Variants in KCNIP4 observed in about 807,000 individuals in gnomAD.
KCNIP4 encodes the protein Kv channel-interacting protein 4.
A neutral mutation model predicts 34.0 loss-of-function variants in KCNIP4; 12 were observed. The ratio of observed to expected loss-of-function variants is 0.35; its 90% confidence interval spans 0.23 to 0.57. KCNIP4 has a LOEUF of 0.57. KCNIP4 is among the 20% of genes least tolerant of loss of function. KCNIP4 has a pLI of 0.83. For synonymous variants in KCNIP4, 124 were observed against 102.2 expected, an observed-to-expected ratio of 1.21 and a Z score of -1.29; for missense variants, 238 against 311.7, an observed-to-expected ratio of 0.76 and a Z score of 1.78.
chr4:21,682,216 C>G (rs1326112516), intron 1 of KCNIP4, among the ~76,000 whole-genome samples: 3 of 152,040 alleles, frequency 2.0e-5, no homozygotes, highest in Non-Finnish European at 4.4e-5. Context: ...TTCAAATGAC[C>G]AGCTATTGCA....
chr4:21,066,508 C>A (rs1384863792), intron 1 of KCNIP4, among the ~76,000 whole-genome samples: 2 of 151,796 alleles, frequency 1.3e-5, no homozygotes, highest in Non-Finnish European at 2.9e-5. Flanking sequence ...TACCATCCCT[C>A]CCCCCATCCC....
intron 1 of KCNIP4, among the ~76,000 whole-genome samples, chr4:21,102,929 A>G (rs1748074941): frequency 6.6e-6 from 1 of 152,190 alleles, no homozygotes; most frequent in African/African-American, 2.4e-5. Context: ...CAGAGTCTGA[A>G]AAATGTGAGT....
At chr4:20,948,120 A>C (rs1732387603) in intron 1 of KCNIP4, among the ~76,000 whole-genome samples, 1 of 152,204 alleles carries the variant, frequency 6.6e-6, no homozygotes, top group South Asian at 2.1e-4. Context: ...GCAACACCAG[A>C]ATTCCAGAAG....
intron 1 of KCNIP4, among the ~76,000 whole-genome samples, chr4:21,372,851 G>A (rs566063185): frequency 2.1e-5 from 3 of 145,762 alleles, no homozygotes; most frequent in Non-Finnish European, 4.4e-5. Context: ...TCAAAATAGT[G>A]AGGAGTGAAT....
intron 1 of KCNIP4, among the ~76,000 whole-genome samples, chr4:21,347,544 C>T (rs1296604524): frequency 6.6e-6 from 1 of 152,140 alleles, no homozygotes; most frequent in Non-Finnish European, 1.5e-5. Context: ...TAGGGAGGAA[C>T]AGGAAATCAA....
chr4:21,158,383 C>T (rs1753312433), intron 1 of KCNIP4, among the ~76,000 whole-genome samples: 1 of 152,030 alleles, frequency 6.6e-6, no homozygotes. Flanking sequence ...CTCTGATGAC[C>T]ATTGGTGCAA....
At chr4:21,598,601 A>G (rs1742843074) in intron 1 of KCNIP4, among the ~76,000 whole-genome samples, 1 of 152,086 alleles carries the variant, frequency 6.6e-6, no homozygotes, top group African/African-American at 2.4e-5. Flanking sequence ...CAACTCATTA[A>G]TCCCTCACAG....
At chr4:21,308,711 AGTGT>A (rs10525935) in intron 1 of KCNIP4, among the ~76,000 whole-genome samples, 15,864 of 149,898 alleles carry the variant, frequency 0.11, 906 homozygotes, top group African/African-American at 0.15. Flanking sequence ...CTGCCGTGTG[AGTGT>A]GTGTGTGTGT....
chr4:20,992,784 T>C (rs1737196141), intron 1 of KCNIP4, among the ~76,000 whole-genome samples: 1 of 151,806 alleles, frequency 6.6e-6, no homozygotes, highest in South Asian at 2.1e-4. Context: ...TCCCAGCAAT[T>C]TGGGGGGCCA....
chr4:21,553,806 ACCTTT>A (rs1306852202), intron 1 of KCNIP4, among the ~76,000 whole-genome samples: 3 of 152,086 alleles, frequency 2.0e-5, no homozygotes, highest in Non-Finnish European at 4.4e-5. Flanking sequence ...TCTGTTCTCC[ACCTTT>A]CCCTTCTTTA....
chr4:21,260,204 T>G (rs1761380625), intron 1 of KCNIP4, among the ~76,000 whole-genome samples: 1 of 152,172 alleles, frequency 6.6e-6, no homozygotes, highest in East Asian at 1.9e-4. Context: ...TATGCCTTAC[T>G]GTGCTTTCAT....
chr4:21,910,207 C>A (rs1204665638), intron 1 of KCNIP4, among the ~76,000 whole-genome samples: 6 of 152,074 alleles, frequency 3.9e-5, no homozygotes, highest in Non-Finnish European at 7.4e-5. Flanking sequence ...CAGGTAATAT[C>A]CAATCTTCTC....
At chr4:21,335,626 T>A (rs919213616) in intron 1 of KCNIP4, among the ~76,000 whole-genome samples, 2 of 152,130 alleles carry the variant, frequency 1.3e-5, no homozygotes, top group African/African-American at 4.8e-5. Context: ...AGAAAATAGG[T>A]GGATTGTTTT....
At chr4:21,898,837 C>T (rs528548589) in intron 1 of KCNIP4, among the ~76,000 whole-genome samples, 2 of 152,134 alleles carry the variant, frequency 1.3e-5, no homozygotes, top group Non-Finnish European at 1.5e-5. Flanking sequence ...GCAACAAGTA[C>T]ACTCATGTGG....
At chr4:21,734,480 C>T (rs1023866887) in intron 1 of KCNIP4, among the ~76,000 whole-genome samples, 6 of 152,036 alleles carry the variant, frequency 3.9e-5, no homozygotes, top group Non-Finnish European at 7.4e-5. Flanking sequence ...CAGGAAACTT[C>T]AGAAAATAAT....
At chr4:21,637,257 G>A (rs994262473) in intron 1 of KCNIP4, among the ~76,000 whole-genome samples, 3 of 152,052 alleles carry the variant, frequency 2.0e-5, no homozygotes, top group East Asian at 1.9e-4. Flanking sequence ...TTTTAAAGAC[G>A]AGGAACCAAG....
chr4:21,783,865 G>A (rs1046763943), intron 1 of KCNIP4, among the ~76,000 whole-genome samples: 6 of 147,794 alleles, frequency 4.1e-5, no homozygotes, highest in African/African-American at 1.6e-4. Flanking sequence ...CAACGGATAA[G>A]GTACAAAACT....
chr4:21,636,428 G>C (rs1045227713), intron 1 of KCNIP4, among the ~76,000 whole-genome samples: 4 of 151,990 alleles, frequency 2.6e-5, no homozygotes, highest in Non-Finnish European at 5.9e-5. Flanking sequence ...TGAAAGAAAT[G>C]ACTTATGCAT....
intron 1 of KCNIP4, among the ~76,000 whole-genome samples, chr4:20,960,001 T>A (rs1223439374): frequency 6.6e-6 from 1 of 152,224 alleles, no homozygotes; most frequent in Non-Finnish European, 1.5e-5. Flanking sequence ...ATATCACCAT[T>A]GTCTGGCTTA....
Sources: gnomAD v4.1 joint callset for allele counts (sites outside exome capture counted in the v4.1 genomes callset) on GRCh38, gnomAD v4.1.1 for gene constraint, MANE v1.5 for transcripts, NCBI Gene and HGNC (gene_info 2026-07-23, HGNC 2026-07-21) for gene names.